Variants in C12orf42 observed in about 807,000 individuals in gnomAD.
C12orf42 encodes the protein chromosome 12 open reading frame 42.
C12orf42 carries 25 observed loss-of-function variants against 21.6 expected under a neutral mutation model. The observed-to-expected ratio is 1.16, with a 90% CI of 0.84 to 1.62. The LOEUF is 1.62. C12orf42 is among the 40% of genes most tolerant of loss of function. The pLI, the probability that C12orf42 is intolerant of heterozygous loss-of-function variation, is 0.00. For synonymous variants in C12orf42, 174 were observed against 175.0 expected (o/e 0.99, Z 0.05); for missense variants, 483 against 459.3 (o/e 1.05, Z -0.47).
chr12:103,328,792 T>C (rs935991335), intron 4 of C12orf42, among the ~76,000 whole-genome samples: 3 of 152,314 alleles, frequency 2.0e-5, no homozygotes, highest in African/African-American at 7.2e-5. Context: ...GAAGGGAGTC[T>C]GTCTGGGTGA....
At chr12:103,403,856 C>T (rs943417139) in intron 2 of C12orf42, among the ~76,000 whole-genome samples, 1 of 152,200 alleles carries the variant, frequency 6.6e-6, no homozygotes, top group Non-Finnish European at 1.5e-5. Context: ...TGAATGCTGT[C>T]CCAAACCACC....
the C12orf42 span, among the ~76,000 whole-genome samples, chr12:103,509,701 G>A: frequency 6.6e-6 from 1 of 151,998 alleles, no homozygotes; most frequent in African/African-American, 2.4e-5. Flanking sequence ...TATATCTTCT[G>A]GCCAAAACAC....
At chr12:103,469,296 A>T (rs1953396098) in intron 2 of C12orf42, among the ~76,000 whole-genome samples, 1 of 152,242 alleles carries the variant, frequency 6.6e-6, no homozygotes, top group Admixed American at 6.5e-5. Context: ...GTGTAAAAAC[A>T]TACATCAATA....
At chr12:103,497,143 T>G (rs1955581950), upstream of C12orf42, among the ~76,000 whole-genome samples, 1 of 152,228 alleles carries the variant, frequency 6.6e-6, no homozygotes, top group South Asian at 2.1e-4. Context: ...ACAGTTCCAC[T>G]AATGTATCAC....
intron 5 of C12orf42, 134 bp downstream of exon 5, chr12:103,305,840 T>G: frequency 9.1e-7 from 1 of 1,100,926 alleles, no homozygotes; most frequent in Non-Finnish European, 1.3e-6. Flanking sequence ...GAAGACTGGC[T>G]ACTACAGTTC....
chr12:103,387,355 A>G (rs2046699251), intron 3 of C12orf42, among the ~76,000 whole-genome samples: 1 of 152,130 alleles, frequency 6.6e-6, no homozygotes, highest in South Asian at 2.1e-4. Flanking sequence ...TGACCACCAT[A>G]TTTTAAAAGT....
chr12:103,461,764 G>A (rs114932775), intron 2 of C12orf42, among the ~76,000 whole-genome samples: 24 of 152,172 alleles, frequency 1.6e-4, no homozygotes, highest in African/African-American at 4.6e-4. Flanking sequence ...TCAAGTATCC[G>A]ATACATTGCA....
rs184015927 is a variant in C12orf42 at position 103,397,958 on chromosome 12, G to T, written c.147+3649C>A. On this transcript the variant is annotated intron_variant, in intron 3 of 5. Transcript: ENST00000548883. ...CACATAGAAATGATAAATACTCAAG[G>T]TGATGGACACCCCAAACACACTGAC... Among the ~76,000 whole-genome samples, 307 of 152,214 alleles carry T rather than the reference G, an allele frequency of 2.0e-3. 1 individual carries two copies. Among genetic ancestry groups the T allele is most frequent in the Non-Finnish European group, 2.4e-4 (16 of 68,020 alleles).
At chr12:103,313,219 T>C (rs767189714) in intron 4 of C12orf42, among the ~76,000 whole-genome samples, 3 of 152,222 alleles carry the variant, frequency 2.0e-5, no homozygotes, top group Non-Finnish European at 2.9e-5. Context: ...CTCCGGCATA[T>C]CTAAAGTCCA....
the C12orf42 span, among the ~76,000 whole-genome samples, chr12:103,547,144 A>G: frequency 6.6e-6 from 1 of 152,220 alleles, no homozygotes; most frequent in African/African-American, 2.4e-5. Flanking sequence ...GTCCCCAGCC[A>G]AAAACTCAGT....
chr12:103,224,700 A>G, the C12orf42 span, among the ~76,000 whole-genome samples: 3 of 152,152 alleles, frequency 2.0e-5, no homozygotes, highest in Non-Finnish European at 4.4e-5. Flanking sequence ...AGAACTGTAG[A>G]GAGTGAGTTG....
intron 2 of C12orf42, among the ~76,000 whole-genome samples, chr12:103,414,477 T>G (rs367859350): frequency 3.3e-5 from 5 of 152,332 alleles, no homozygotes; most frequent in African/African-American, 1.2e-4. Flanking sequence ...GTACATTTCT[T>G]TGGGTAGTAT....
chr12:103,312,505 C>G (rs1383360358), intron 4 of C12orf42, among the ~76,000 whole-genome samples: 1 of 152,196 alleles, frequency 6.6e-6, no homozygotes, highest in Admixed American at 6.5e-5. Flanking sequence ...GCTCAAAGTT[C>G]CAATGAATAA....
At position 103,306,081 on chromosome 12, in the gene C12orf42, T is replaced by C. The variant is rs1400313381; in HGVS notation, c.524A>G (p.Asn175Ser). 6.2e-7 allele frequency: 1 copy of C among 1,614,014 alleles called. No individual in the cohort carries two copies. Among genetic ancestry groups the C allele is most frequent in the African/African-American group, 1.3e-5 (1 of 75,062 alleles). Residue 175 changes from asparagine (N) to serine (S), a missense_variant, in exon 5 of 6, where the codon AAC (asparagine) becomes AGC (serine). Coordinates refer to ENST00000548883, the MANE Select transcript of C12orf42 (RefSeq NM_198521.5). The part of the protein sequence containing the change: ...SFLEQLVKKP[N>S]WAHSVNPVHL... ...AACAGGATTTACTGAGTGTGCCCAG[T>C]TAGGCTTTTTAACCAGTTGTTCCAA...
the C12orf42 span, among the ~76,000 whole-genome samples, chr12:103,125,987 C>G: frequency 6.6e-6 from 1 of 152,156 alleles, no homozygotes; most frequent in Non-Finnish European, 1.5e-5. Context: ...TGCCCTAACT[C>G]AGAGTTACTA....
chr12:103,353,174 T>A (rs1593567095), intron 4 of C12orf42, among the ~76,000 whole-genome samples: 1 of 151,992 alleles, frequency 6.6e-6, no homozygotes, highest in Non-Finnish European at 1.5e-5. Context: ...ACAAGACTTT[T>A]GCACACTGAG....
At chr12:103,076,985 CCAGT>C in the C12orf42 span, among the ~76,000 whole-genome samples, 1 of 152,068 alleles carries the variant, frequency 6.6e-6, no homozygotes, top group African/African-American at 2.4e-5. Context: ...TTCATATCAG[CCAGT>C]CAATTAATTA....
At chr12:103,132,458 T>C in the C12orf42 span, among the ~76,000 whole-genome samples, 1 of 152,040 alleles carries the variant, frequency 6.6e-6, no homozygotes, top group African/African-American at 2.4e-5. Context: ...ATAACTAACA[T>C]AGGGAGTTGC....
At position 103,379,301 on chromosome 12, in the gene C12orf42, A is replaced by G. The variant is rs572635808; in HGVS notation, c.148-10303T>C. Among the ~76,000 whole-genome samples, 24 of 152,326 alleles carry G rather than the reference A, an allele frequency of 1.6e-4. No individual in the cohort carries two copies. The East Asian group carries it at 4.4e-3, about 28-fold the overall frequency. On this transcript the variant is annotated intron_variant, in intron 3 of 5. Coordinates refer to ENST00000548883, the MANE Select transcript of C12orf42 (RefSeq NM_198521.5). ...AATACAACTGATGTCCCATCTCATT[A>G]TCTGCCTCCCTCAGACACCAGCCCA...
Sources: allele counts gnomAD v4.1 joint callset (sites outside exome capture counted in the v4.1 genomes callset), GRCh38; gene constraint gnomAD v4.1.1; transcripts MANE v1.5; gene names NCBI Gene and HGNC (gene_info 2026-07-23, HGNC 2026-07-21).